SORL1: variants seen among roughly 807,000 people sequenced by gnomAD.
SORL1 encodes sortilin-related receptor.
SORL1 carries 127 observed loss-of-function variants against 273.7 expected under a neutral mutation model. The ratio of observed to expected loss-of-function variants is 0.46; its 90% CI spans 0.40 to 0.54. The LOEUF is 0.54. SORL1 is among the 20% of genes least tolerant of loss of function. SORL1 has a pLI of 0.00. For synonymous variants in SORL1, 1,031 were observed against 1,067.4 expected (o/e 0.97, Z 0.66); for missense variants, 2,494 against 2,846.1 (o/e 0.88, Z 2.81).
At chr11:121,607,920 C>T (rs1863502923) in intron 37 of SORL1, among the ~76,000 whole-genome samples, 184 bp from the exon 38 acceptor site, 1 of 152,148 alleles carries the variant, frequency 6.6e-6, no homozygotes. Flanking sequence ...CAAGCTCCTT[C>T]CCTTGGCTTT....
At chr11:121,623,218 C>A (rs75562709) in intron 45 of SORL1, among the ~76,000 whole-genome samples, 1 of 152,180 alleles carries the variant, frequency 6.6e-6, no homozygotes, top group Non-Finnish European at 1.5e-5. Context: ...TTCAACCTCA[C>A]CGGTAATCTA....
chr11:121,458,692 C>T (rs988885179), intron 1 of SORL1, among the ~76,000 whole-genome samples: 1 of 152,198 alleles, frequency 6.6e-6, no homozygotes, highest in African/African-American at 2.4e-5. Context: ...ATTGGCTTAT[C>T]GACCTGTGAA....
At chr11:121,500,789 A>G (rs151287461) in intron 6 of SORL1, among the ~76,000 whole-genome samples, 428 of 152,338 alleles carry the variant, frequency 2.8e-3, no homozygotes, top group African/African-American at 9.7e-3. Flanking sequence ...TGCCCTGTTA[A>G]TGACAGGATG....
At chr11:121,523,835 C>T (rs927497011) in intron 11 of SORL1, among the ~76,000 whole-genome samples, 4 of 152,138 alleles carry the variant, frequency 2.6e-5, no homozygotes, top group East Asian at 3.8e-4. Context: ...GTGGAGTTCT[C>T]AGAACAGCTA....
chr11:121,617,978 CT>C (rs1281654554), intron 41 of SORL1, among the ~76,000 whole-genome samples: 1 of 152,206 alleles, frequency 6.6e-6, no homozygotes, highest in Non-Finnish European at 1.5e-5. Context: ...GCCCTGTCAT[CT>C]CCAGCCTGTG....
intron 23 of SORL1, among the ~76,000 whole-genome samples, chr11:121,573,200 A>G (rs1862873453): frequency 6.6e-6 from 1 of 152,236 alleles, no homozygotes; most frequent in African/African-American, 2.4e-5. Context: ...AGAGCCCATT[A>G]TATTTACATC....
At chr11:121,518,502 A>G (rs1400712257) in intron 8 of SORL1, among the ~76,000 whole-genome samples, 2 of 152,188 alleles carry the variant, frequency 1.3e-5, no homozygotes, top group Non-Finnish European at 2.9e-5. Context: ...TCTAAATGAG[A>G]GAAACTCAGG....
At chr11:121,486,581 G>A (rs934611305) in intron 3 of SORL1, among the ~76,000 whole-genome samples, 3 of 150,842 alleles carry the variant, frequency 2.0e-5, no homozygotes, top group Admixed American at 6.6e-5. Context: ...CTGGGTTCAC[G>A]CCATTCTCCT....
chr11:121,540,118 T>C (rs1206657032), intron 12 of SORL1, among the ~76,000 whole-genome samples: 7 of 152,328 alleles, frequency 4.6e-5, no homozygotes, highest in East Asian at 1.9e-4. Flanking sequence ...TGACCTTTTT[T>C]CCCATCTTGA....
chr11:121,472,882 C>T (rs931321433), intron 2 of SORL1, among the ~76,000 whole-genome samples: 2 of 151,876 alleles, frequency 1.3e-5, no homozygotes, highest in East Asian at 1.9e-4. Flanking sequence ...ATCGCTTGAA[C>T]CCGGGAGGTG....
At chr11:121,508,356 T>C (rs1427769327) in intron 6 of SORL1, among the ~76,000 whole-genome samples, 1 of 152,208 alleles carries the variant, frequency 6.6e-6, no homozygotes, top group Admixed American at 6.5e-5. Flanking sequence ...GGCATCTTCT[T>C]CCCCATTTTT....
Position 121,621,203 on chromosome 11 carries a change from A to T in SORL1, c.6029A>T (p.Asn2010Ile). The change falls in exon 44 of 48, where the codon AAC (asparagine) becomes ATC (isoleucine). Residue 2010 changes from asparagine (N) to isoleucine (I), a missense_variant. Physicochemically the swap from Asn to Ile is moderately radical, Grantham distance 149 (BLOSUM62 -3). Transcript: ENST00000260197. The part of the protein sequence containing the change: ...GKYHIIVQLG[N>I]MSKDSSIKIT... ...TACCACATCATTGTCCAACTGGGGA[A>T]CATGAGCAAAGATTCCAGCATAAAA... 6.2e-7 allele frequency: 1 copy of T among 1,614,188 alleles called. No individual in the cohort carries two copies. The highest frequency in any genetic ancestry group is 8.5e-7 in the Non-Finnish European group (1 of 1,179,994).
In SORL1 at chr11:121,452,338, A is replaced by G; in HGVS notation, c.7A>G (p.Thr3Ala). 1 of 1,544,268 alleles carries G rather than the reference A, an allele frequency of 6.5e-7. No individual in the cohort carries two copies. Among genetic ancestry groups the G allele is most frequent in the Non-Finnish European group, 8.7e-7 (1 of 1,150,156 alleles). The change falls in exon 1 of 48, where the codon ACA (threonine) becomes GCA (alanine). Residue 3 changes from threonine (T) to alanine (A), a missense_variant. Around this residue, in one of 3 missense-constraint regions of SORL1, gnomAD observed 175 missense variants for 147.1 expected, o/e 1.19. Coordinates refer to ENST00000260197, the MANE Select transcript of SORL1 (RefSeq NM_003105.6). The surrounding 1 kb of genome is among the most constrained non-coding windows in gnomAD (Gnocchi z 5.3). ...CAGTAGCGTTCGCCCGAACATGGCGACACGGAGCAGCAGGAGGGAGTCGCG... is the reference window on the plus strand; with the variant it reads ...CAGTAGCGTTCGCCCGAACATGGCGGCACGGAGCAGCAGGAGGGAGTCGCG... The part of the protein sequence containing the change: MA[T>A]RSSRRESRLP...
intron 2 of SORL1, among the ~76,000 whole-genome samples, chr11:121,471,999 G>T (rs1158596427): frequency 6.6e-6 from 1 of 152,186 alleles, no homozygotes; most frequent in Non-Finnish European, 1.5e-5. Flanking sequence ...GCCTTTGGTG[G>T]CCGGGTGTGG....
At chr11:121,560,443 A>C (rs1027422968) in intron 21 of SORL1, among the ~76,000 whole-genome samples, 2 of 152,176 alleles carry the variant, frequency 1.3e-5, no homozygotes, top group Non-Finnish European at 2.9e-5. Context: ...CTTATCTCCC[A>C]GCCATACTAT....
At chr11:121,555,002 G>T in intron 17 of SORL1, 185 bp from the exon 18 acceptor site, 1 of 524,428 alleles carries the variant, frequency 1.9e-6, no homozygotes, top group Non-Finnish European at 3.3e-6. Context: ...AAACAAAAAT[G>T]TAGTATATTT....
intron 25 of SORL1, among the ~76,000 whole-genome samples, chr11:121,582,824 G>A (rs992813032): frequency 1.3e-5 from 2 of 152,070 alleles, no homozygotes; most frequent in Non-Finnish European, 2.9e-5. Flanking sequence ...ATATTCCTCT[G>A]GCCTGAGGTT....
chr11:121,590,745 A>C, intron 30 of SORL1: 2 of 699,246 alleles, frequency 2.9e-6, no homozygotes, highest in Non-Finnish European at 5.2e-6. Flanking sequence ...TGCAAAAGCA[A>C]ACTTATCTGA....
At chr11:121,588,209 T>A (rs1591340730) in intron 28 of SORL1, 58 bp downstream of exon 28, 1 of 1,596,786 alleles carries the variant, frequency 6.3e-7, no homozygotes, top group Non-Finnish European at 8.6e-7. Context: ...TGCATGGGGG[T>A]TTGGCCACCC....
Sources: gnomAD v4.1 joint callset for allele counts (sites outside exome capture counted in the v4.1 genomes callset) on GRCh38, gnomAD v4.1.1 for gene constraint, gnomAD v4.1.1 regional missense constraint, Gnocchi (gnomAD v3.1) non-coding constraint, MANE v1.5 for transcripts, NCBI Gene and HGNC (gene_info 2026-07-23, HGNC 2026-07-21) for gene names.